RBFOX1: variants seen among roughly 807,000 people sequenced by gnomAD.
RBFOX1 encodes RNA binding protein fox-1 homolog 1.
Under a neutral mutation model 57.7 loss-of-function variants are expected in RBFOX1, and 8 were observed. The observed-to-expected ratio is 0.14, with a 90% CI of 0.08 to 0.25. The LOEUF (loss-of-function observed/expected upper bound fraction) is 0.25. RBFOX1 is among the 10% of genes least tolerant of loss of function. The pLI, the probability that RBFOX1 is intolerant of heterozygous loss-of-function variation, is 1.00. For synonymous variants in RBFOX1, 326 were observed against 222.4 expected (o/e 1.47, Z -4.15); for missense variants, 611 against 548.5 (o/e 1.11, Z -1.14).
chr16:7,085,287 G>A (rs984782302), intron 4 of RBFOX1, among the ~76,000 whole-genome samples: 2 of 152,092 alleles, frequency 1.3e-5, no homozygotes, highest in Non-Finnish European at 2.9e-5. Flanking sequence ...GAGAACAGCT[G>A]CCACTCAGCA....
At chr16:6,948,561 T>A (rs143574770) in intron 3 of RBFOX1, among the ~76,000 whole-genome samples, 2,453 of 151,868 alleles carry the variant, frequency 0.016, 64 homozygotes, top group African/African-American at 0.056. Context: ...TTTTGATTTT[T>A]AGTAGAGACA....
chr16:7,653,010 G>A (rs1214249601), intron 11 of RBFOX1, among the ~76,000 whole-genome samples: 2 of 152,182 alleles, frequency 1.3e-5, no homozygotes, highest in Non-Finnish European at 2.9e-5. Context: ...CTAGCATGTG[G>A]AAAGTTGTGT....
At chr16:6,773,073 G>A (rs1603619336) in intron 3 of RBFOX1, among the ~76,000 whole-genome samples, 1 of 145,456 alleles carries the variant, frequency 6.9e-6, no homozygotes, top group South Asian at 2.2e-4. Flanking sequence ...GCATTTGTGT[G>A]TGTATATGTA....
At chr16:6,283,865 C>A (rs1331647840) in intron 1 of RBFOX1, among the ~76,000 whole-genome samples, 1 of 152,166 alleles carries the variant, frequency 6.6e-6, no homozygotes, top group Non-Finnish European at 1.5e-5. Context: ...AATTTATTTT[C>A]TACTCCTGGC....
At chr16:5,421,451 C>A (rs939353004) in intron 1 of RBFOX1, among the ~76,000 whole-genome samples, 2 of 152,160 alleles carry the variant, frequency 1.3e-5, no homozygotes, top group African/African-American at 4.8e-5. Context: ...TGTCCACGTG[C>A]AAGTGTGGCT....
intron 1 of RBFOX1, among the ~76,000 whole-genome samples, chr16:5,371,040 C>T (rs931768553): frequency 1.3e-4 from 20 of 152,088 alleles, no homozygotes; most frequent in African/African-American, 2.2e-4. Flanking sequence ...CTCTGCCTCC[C>T]GGGTTCAGGC....
At chr16:7,568,331 G>C (rs1196767560) in intron 5 of RBFOX1, among the ~76,000 whole-genome samples, 1 of 152,144 alleles carries the variant, frequency 6.6e-6, no homozygotes, top group Non-Finnish European at 1.5e-5. Flanking sequence ...AGAACTTAGG[G>C]TTCCTCCCTC....
chr16:5,380,867 C>T (rs1160023765), intron 1 of RBFOX1, among the ~76,000 whole-genome samples: 1 of 152,328 alleles, frequency 6.6e-6, no homozygotes, highest in Non-Finnish European at 1.5e-5. Context: ...TGTACTCATG[C>T]ATGACTTGTA....
At chr16:6,925,109 G>GGT (rs2075300959) in intron 3 of RBFOX1, among the ~76,000 whole-genome samples, 1 of 45,218 alleles carries the variant, frequency 2.2e-5, no homozygotes, top group Non-Finnish European at 4.0e-5. Flanking sequence ...TAGGTTGTTG[G>GGT]TTTTTTTTTT....
intron 4 of RBFOX1, among the ~76,000 whole-genome samples, chr16:7,333,386 T>C (rs2096727984): frequency 6.6e-6 from 1 of 152,204 alleles, no homozygotes; most frequent in Non-Finnish European, 1.5e-5. Context: ...GCTCTCCTTC[T>C]CAGCTTTCTG....
chr16:7,073,575 G>T (rs993933136), intron 4 of RBFOX1, among the ~76,000 whole-genome samples: 2 of 152,184 alleles, frequency 1.3e-5, no homozygotes, highest in Admixed American at 1.3e-4. Flanking sequence ...TGGTGTGGAG[G>T]CTCACACGTG....
At chr16:5,554,871 C>T (rs555814200) in intron 2 of RBFOX1, among the ~76,000 whole-genome samples, 4 of 152,296 alleles carry the variant, frequency 2.6e-5, no homozygotes, top group Admixed American at 1.3e-4. Context: ...TCCAATGTCA[C>T]GGGCAGTGGT....
At chr16:6,746,677 CA>C (rs1357103034) in intron 3 of RBFOX1, among the ~76,000 whole-genome samples, 1 of 146,246 alleles carries the variant, frequency 6.8e-6, no homozygotes. Flanking sequence ...ACACAGGTGT[CA>C]GGGAAAAAAA....
At chr16:7,309,756 A>G (rs1019275360) in intron 4 of RBFOX1, among the ~76,000 whole-genome samples, 11 of 152,206 alleles carry the variant, frequency 7.2e-5, no homozygotes. Flanking sequence ...GAAGGGAACG[A>G]AATTGCAGCA....
intron 3 of RBFOX1, among the ~76,000 whole-genome samples, chr16:5,722,289 T>C (rs899697950): frequency 6.6e-6 from 1 of 152,252 alleles, no homozygotes; most frequent in Non-Finnish European, 1.5e-5. Flanking sequence ...TCTAATCTCT[T>C]ACAAACCCTT....
chr16:6,740,146 G>T lies in RBFOX1; in HGVS notation c.-16+85496G>T, dbSNP rs561520979. On this transcript the variant is annotated intron_variant, in intron 3 of 15. Transcript: ENST00000550418. ...ATCAATTGATGTTATTCACTATACC[G>T]ATAGGTTCAAGAAGAAAAATCACAT... 3.9e-5 allele frequency among the ~76,000 whole-genome samples: 6 copies of T among 152,182 alleles called. No individual in the cohort carries two copies. In the East Asian group the frequency reaches 1.2e-3, roughly 29 times the overall value.
At position 5,757,109 on chromosome 16, in the gene RBFOX1, C is replaced by G. The variant is rs186127831; in HGVS notation, c.319-110194C>G. Among the ~76,000 whole-genome samples the G allele has an allele frequency of 7.2e-4, 110 of 152,202 alleles. 1 individual carries two copies. The highest frequency in any genetic ancestry group is 2.4e-3 in the African/African-American group (101 of 41,532). On this transcript the variant is annotated intron_variant, in intron 3 of 19. Transcript: ENST00000641259. ...GACCTAAAATTAAGAACCAAGTTGACTGAGACTCTGCCATCATTACTGCAT... is the reference window on the plus strand; with the variant it reads ...GACCTAAAATTAAGAACCAAGTTGAGTGAGACTCTGCCATCATTACTGCAT...
At chr16:6,893,723 A>G (rs1346274682) in intron 3 of RBFOX1, among the ~76,000 whole-genome samples, 1 of 152,218 alleles carries the variant, frequency 6.6e-6, no homozygotes, top group African/African-American at 2.4e-5. Flanking sequence ...GTAATTTGTG[A>G]TGAATTTTCA....
chr16:6,437,972 A>G (rs1439374707), intron 2 of RBFOX1, among the ~76,000 whole-genome samples: 8 of 152,150 alleles, frequency 5.3e-5, no homozygotes, highest in African/African-American at 9.7e-5. Flanking sequence ...TTCTGATGGG[A>G]CAAGGAAACT....
Sources: allele counts gnomAD v4.1 joint callset (sites outside exome capture counted in the v4.1 genomes callset), GRCh38; gene constraint gnomAD v4.1.1; transcripts MANE v1.5; gene names NCBI Gene and HGNC (gene_info 2026-07-23, HGNC 2026-07-21).